DNAH5: variants seen among roughly 807,000 people sequenced by gnomAD.
DNAH5 encodes axonemal beta dynein heavy chain 5.
A neutral mutation model predicts 518.2 loss-of-function variants in DNAH5; 372 were observed. The observed-to-expected ratio is 0.72, with a 90% CI of 0.66 to 0.78. DNAH5 has a LOEUF of 0.78. Ranked by LOEUF, DNAH5 falls within the 30% of genes least tolerant of loss-of-function variation. DNAH5 has a pLI of 0.00. For missense variants in DNAH5, 5,523 were observed against 5,687.0 expected, an observed-to-expected ratio of 0.97 and a Z score of 0.93; for synonymous variants, 2,039 against 2,025.9, an observed-to-expected ratio of 1.01 and a Z score of -0.17.
chr5:13,773,756 T>A (rs556313825), intron 55 of DNAH5, among the ~76,000 whole-genome samples: 1 of 152,188 alleles, frequency 6.6e-6, no homozygotes, highest in Admixed American at 6.5e-5. Flanking sequence ...CACAGAGTGC[T>A]ATGGAATGGA....
intron 1 of DNAH5, among the ~76,000 whole-genome samples, chr5:13,964,400 T>C (rs897901197): frequency 2.6e-5 from 4 of 152,124 alleles, no homozygotes; most frequent in African/African-American, 9.7e-5. Context: ...ACTGGGTAAA[T>C]GGCAAGAAAG....
chr5:13,828,369 C>T lies in DNAH5; in HGVS notation c.6444+1141G>A, dbSNP rs78860794. ...TCATGTTATAGTCTCATGTTTATTG[C>T]ACTGTGTCATTATTTAGCATATATT... is the stretch of plus-strand genomic sequence containing the variant. On this transcript the variant is annotated intron_variant, in intron 38 of 78. Transcript: ENST00000265104. Among the ~76,000 whole-genome samples the T allele has an allele frequency of 9.1e-3, 1,385 of 152,260 alleles. 23 individuals carry two copies. Among genetic ancestry groups the T allele is most frequent in the African/African-American group, 0.031 (1,301 of 41,560 alleles).
intron 1 of DNAH5, among the ~76,000 whole-genome samples, chr5:13,999,887 A>G (rs1351048565): frequency 6.6e-6 from 1 of 152,356 alleles, no homozygotes. Context: ...TATGATAGCC[A>G]TCTTGACAGG....
intron 12 of DNAH5, among the ~76,000 whole-genome samples, chr5:13,907,638 A>G (rs1390732807): frequency 2.6e-5 from 4 of 152,190 alleles, no homozygotes; most frequent in African/African-American, 9.6e-5. Flanking sequence ...TGAGAACGTC[A>G]CACATCTTAT....
intron 58 of DNAH5, among the ~76,000 whole-genome samples, chr5:13,767,117 T>C (rs1028916387): frequency 1.3e-5 from 2 of 152,120 alleles, no homozygotes; most frequent in African/African-American, 2.4e-5. Context: ...TATATATATA[T>C]AGTTTTGCTT....
rs573141134 is a variant in DNAH5 at position 13,978,720 on chromosome 5, T to C, written c.12+32928A>G. Among the ~76,000 whole-genome samples, 11 of 152,338 alleles carry C rather than the reference T, an allele frequency of 7.2e-5. 1 individual carries two copies. Among genetic ancestry groups the C allele is most frequent in the African/African-American group, 2.6e-4 (11 of 41,576 alleles). On this transcript the variant is annotated intron_variant, in intron 1 of 78. Coordinates refer to the DNAH5 transcript ENST00000681290. The stretch of plus-strand genomic sequence containing the variant: ...TTTGTAGCCTAGGGGCAATAGGCTA[T>C]GCCATATAGCCTAAGGATATGCAGG...
rs1359597096 is a variant in DNAH5 at position 13,900,186 on chromosome 5, A to G, written c.2259+20T>C. 1.3e-6 allele frequency: 2 copies of G among 1,595,662 alleles called. No individual in the cohort carries two copies. The highest frequency in any genetic ancestry group is 2.2e-5 in the East Asian group (1 of 44,708). On this transcript the variant is annotated intron_variant, in intron 15 of 78. Transcript: ENST00000265104. ...TCCAGAGCTAGCCAAGAATGGGGGGAAAAAATAAAAGTAGTATACCTTCAT... is the reference window on the plus strand; with the variant it reads ...TCCAGAGCTAGCCAAGAATGGGGGGGAAAAATAAAAGTAGTATACCTTCAT...
At chr5:13,940,330 T>C (rs1472080760) in intron 1 of DNAH5, among the ~76,000 whole-genome samples, 4 of 152,166 alleles carry the variant, frequency 2.6e-5, no homozygotes, top group African/African-American at 9.7e-5. Flanking sequence ...AAATCAGAAA[T>C]GCCTCTCATG....
At chr5:13,756,772 G>T (rs576266382) in intron 61 of DNAH5, among the ~76,000 whole-genome samples, 20 of 152,186 alleles carry the variant, frequency 1.3e-4, no homozygotes, top group African/African-American at 4.8e-4. Flanking sequence ...TTGTGTCATG[G>T]GGGTTTGTTG....
At position 13,922,219 on chromosome 5, in the gene DNAH5, C is replaced by T. The variant is rs765614560; in HGVS notation, c.548G>A (p.Trp183Ter). Residue 183 changes from tryptophan (W) to a stop codon, truncating the protein, a stop_gained, in exon 5 of 79, where the codon TGG (tryptophan) becomes TAG (stop). Transcript: ENST00000265104. LOFTEE classifies it high-confidence loss of function. ...GTCCTGAAGGCCCTCGAGCTCGCCC[C>T]AGCCATGGCTCGTGGCTCTGAGAGC... is the stretch of plus-strand genomic sequence containing the variant. The part of the protein sequence containing the change: ...IPALRATSHG[W>*]GELEGLQDAA... The T allele has an allele frequency of 1.2e-6, 2 of 1,614,028 alleles. No homozygotes were observed. The highest frequency in any genetic ancestry group is 1.7e-5 in the Admixed American group (1 of 60,020).
At chr5:14,003,719 G>A (rs531659258) in intron 1 of DNAH5, among the ~76,000 whole-genome samples, 2 of 152,314 alleles carry the variant, frequency 1.3e-5, no homozygotes, top group South Asian at 2.1e-4. Flanking sequence ...GACGTCCAAG[G>A]CTGGGTCATA....
chr5:13,996,280 C>T (rs1783940212), intron 1 of DNAH5, among the ~76,000 whole-genome samples: 1 of 152,164 alleles, frequency 6.6e-6, no homozygotes, highest in Admixed American at 6.5e-5. Flanking sequence ...TTTGGAGGGA[C>T]ACAACACTTA....
chr5:13,895,915 C>G (rs1385844976), intron 15 of DNAH5, among the ~76,000 whole-genome samples: 1 of 151,988 alleles, frequency 6.6e-6, no homozygotes, highest in African/African-American at 2.4e-5. Flanking sequence ...CAGAGTCATC[C>G]TTGATTCCTC....
intron 74 of DNAH5, among the ~76,000 whole-genome samples, chr5:13,715,231 A>C (rs1040015147): frequency 3.2e-4 from 49 of 152,310 alleles, no homozygotes; most frequent in African/African-American, 1.1e-3. Flanking sequence ...ATTTACGGAC[A>C]ATTTGACACA....
chr5:13,920,386 T>C, intron 6 of DNAH5, 94 bp downstream of exon 6: 1 of 1,548,946 alleles, frequency 6.5e-7, no homozygotes, highest in Non-Finnish European at 8.9e-7. Flanking sequence ...GTAAAACGCT[T>C]AACAAATGGA....
At chr5:13,885,357 A>G (rs1772261803) in intron 18 of DNAH5, 129 bp from the exon 19 acceptor site, 1 of 1,187,976 alleles carries the variant, frequency 8.4e-7, no homozygotes, top group Admixed American at 2.0e-5. Context: ...CAAGTTTAGT[A>G]TCACTTAAAC....
intron 5 of DNAH5, among the ~76,000 whole-genome samples, chr5:13,921,474 C>G (rs1471256732): frequency 1.2e-4 from 7 of 58,356 alleles, no homozygotes; most frequent in African/African-American, 4.8e-4. Flanking sequence ...CTATCTCTCT[C>G]TCACACACAC....
chr5:13,708,421 C>G, intron 75 of DNAH5, 86 bp from the exon 76 acceptor site: 1 of 1,219,598 alleles, frequency 8.2e-7, no homozygotes, highest in Non-Finnish European at 1.2e-6. Context: ...CTGAACAGGC[C>G]CAAATTCTTA....
chr5:13,780,776 G>C lies in DNAH5; in HGVS notation c.8951+53C>G, dbSNP rs976623615. On this transcript the variant is annotated intron_variant, in intron 53 of 78. Coordinates refer to ENST00000265104, the MANE Select transcript of DNAH5 (RefSeq NM_001369.3). ...TGCATTTGAACTTCAGGTGGCCTCT[G>C]AGCACCTTTTATCAAAATCCATGTT... is the stretch of plus-strand genomic sequence containing the variant. 13 of 1,606,028 alleles carry C rather than the reference G, an allele frequency of 8.1e-6. 1 individual carries two copies. In the South Asian group the frequency reaches 1.4e-4, roughly 18 times the overall value.
Sources: gnomAD v4.1 joint callset for allele counts (sites outside exome capture counted in the v4.1 genomes callset) on GRCh38, gnomAD v4.1.1 for gene constraint, MANE v1.5 for transcripts, NCBI Gene and HGNC (gene_info 2026-07-23, HGNC 2026-07-21) for gene names.